The following MARCHF6 variants were observed in gnomAD, a reference collection of about 807,000 sequenced individuals.
The protein encoded by MARCHF6 is membrane associated ring-CH-type finger 6, also known as E3 ubiquitin-protein ligase MARCHF6.
In MARCHF6, 31 loss-of-function variants were observed where a neutral mutation model predicts 133.7. The observed-to-expected ratio is 0.23, with a 90% confidence interval of 0.17 to 0.31. The LOEUF (loss-of-function observed/expected upper bound fraction) is 0.31. Ranked by LOEUF, MARCHF6 falls within the 10% of genes least tolerant of loss-of-function variation. The pLI, the probability that MARCHF6 is intolerant of heterozygous loss-of-function variation, is 1.00. For synonymous variants in MARCHF6, 395 were observed against 402.5 expected, an observed-to-expected ratio of 0.98 and a Z score of 0.22; for missense variants, 723 against 1,121.6, an observed-to-expected ratio of 0.64 and a Z score of 5.08.
chr5:10,354,411 GCTGAC>G (rs1735316579), intron 1 of MARCHF6, among the ~76,000 whole-genome samples: 1 of 152,194 alleles, frequency 6.6e-6, no homozygotes, highest in Non-Finnish European at 1.5e-5. Flanking sequence ...AGTGGAGTGA[GCTGAC>G]CCCTGTTGAA....
At chr5:10,362,085 G>A (rs1735864355) in intron 1 of MARCHF6, among the ~76,000 whole-genome samples, 1 of 151,946 alleles carries the variant, frequency 6.6e-6, no homozygotes, top group South Asian at 2.1e-4. Context: ...TTACTTTCCT[G>A]TCTCTCTCCT....
chr5:10,368,986 G>A (rs1276043813), intron 1 of MARCHF6, among the ~76,000 whole-genome samples: 1 of 152,102 alleles, frequency 6.6e-6, no homozygotes, highest in Non-Finnish European at 1.5e-5. Flanking sequence ...TTTCCAATGT[G>A]GGTGGAGGGG....
intron 1 of MARCHF6, among the ~76,000 whole-genome samples, chr5:10,354,314 A>G (rs183608604): frequency 3.7e-4 from 57 of 152,086 alleles, no homozygotes; most frequent in Admixed American, 3.1e-3. Context: ...CCTTCTGCCT[A>G]TTGCTCGCCA....
rs1368079366 is a variant in MARCHF6 at position 10,440,251 on chromosome 5, T to C, written c.*6567T>C. The C allele has an allele frequency of 6.6e-6, 1 of 152,196 alleles. No individual in the cohort carries two copies. The highest frequency in any genetic ancestry group is 1.5e-5 in the Non-Finnish European group (1 of 68,020). The allele number at this position is 152,196 out of a possible 1,614,324, so 9.4% of individuals were successfully genotyped here. ...ATAAATGATGAATTTAGAATCAAAATAATGTGTCTATGGCCAAAATAAAAC... is the reference window on the plus strand; with the variant it reads ...ATAAATGATGAATTTAGAATCAAAACAATGTGTCTATGGCCAAAATAAAAC... On this transcript the variant is annotated 3_prime_UTR_variant, in exon 26 of 26. Transcript: ENST00000274140.
chr5:10,399,976 A>T (rs1402997425), intron 10 of MARCHF6, among the ~76,000 whole-genome samples: 1 of 152,112 alleles, frequency 6.6e-6, no homozygotes, highest in Non-Finnish European at 1.5e-5. Context: ...TGGAAGTCAG[A>T]TCTAAGGGCC....
intron 1 of MARCHF6, among the ~76,000 whole-genome samples, chr5:10,377,039 C>T (rs986413151): frequency 6.6e-6 from 1 of 152,082 alleles, no homozygotes; most frequent in African/African-American, 2.4e-5. Context: ...AGCTTTAGAG[C>T]GAGAGTGCGA....
intron 3 of MARCHF6, among the ~76,000 whole-genome samples, chr5:10,381,128 G>A (rs1331558092): frequency 6.6e-6 from 1 of 152,164 alleles, no homozygotes; most frequent in Non-Finnish European, 1.5e-5. Context: ...TGTGGTAGAG[G>A]TTTTTGATAA....
intron 10 of MARCHF6, 62 bp downstream of exon 10, chr5:10,397,406 G>A: frequency 1.7e-6 from 2 of 1,195,210 alleles, no homozygotes; most frequent in Non-Finnish European, 2.4e-6. Flanking sequence ...TTTTGTAGGA[G>A]CCTTGTTATA....
chr5:10,394,682 G>T, intron 8 of MARCHF6, 71 bp from the exon 9 acceptor site: 1 of 1,208,588 alleles, frequency 8.3e-7, no homozygotes, highest in Non-Finnish European at 1.2e-6. Flanking sequence ...GGAAAATGAG[G>T]CTTTTCATAA....
intron 21 of MARCHF6, among the ~76,000 whole-genome samples, chr5:10,416,091 C>T (rs1739495897): frequency 6.6e-6 from 1 of 151,974 alleles, no homozygotes; most frequent in African/African-American, 2.4e-5. Flanking sequence ...ATGCACACAC[C>T]TACACATGCT....
chr5:10,392,719 A>C (rs1579569819), intron 7 of MARCHF6, among the ~76,000 whole-genome samples: 1 of 151,312 alleles, frequency 6.6e-6, no homozygotes, highest in East Asian at 1.9e-4. Context: ...ATGCCACTGC[A>C]CTCCAGCCTG....
At chr5:10,395,045 C>T (rs1447002151) in intron 9 of MARCHF6, among the ~76,000 whole-genome samples, 4 of 152,084 alleles carry the variant, frequency 2.6e-5, no homozygotes, top group African/African-American at 7.2e-5. Context: ...GTGATCTGCC[C>T]GCCTCGGCCT....
intron 3 of MARCHF6, among the ~76,000 whole-genome samples, chr5:10,379,849 T>C (rs537852218): frequency 1.1e-4 from 17 of 152,278 alleles, no homozygotes; most frequent in African/African-American, 3.8e-4. Flanking sequence ...CAAGCAATTC[T>C]CCTGTCACAG....
intron 1 of MARCHF6, among the ~76,000 whole-genome samples, chr5:10,372,683 T>G (rs891978191): frequency 2.0e-5 from 3 of 152,198 alleles, no homozygotes; most frequent in African/African-American, 7.2e-5. Flanking sequence ...ATAACAACAC[T>G]CATTATGTGT....
intron 24 of MARCHF6, among the ~76,000 whole-genome samples, chr5:10,426,993 A>G (rs900071178): frequency 6.6e-6 from 1 of 152,218 alleles, no homozygotes; most frequent in African/African-American, 2.4e-5. Context: ...CTTAAACCCA[A>G]CATATTTTCA....
At chr5:10,354,905 T>G (rs1260879349) in intron 1 of MARCHF6, among the ~76,000 whole-genome samples, 1 of 152,212 alleles carries the variant, frequency 6.6e-6, no homozygotes, top group East Asian at 1.9e-4. Flanking sequence ...TGAAAAAAGT[T>G]TGATATTATC....
chr5:10,405,295 G>A (rs947399866), intron 15 of MARCHF6, among the ~76,000 whole-genome samples: 6 of 151,858 alleles, frequency 4.0e-5, no homozygotes, highest in Non-Finnish European at 7.4e-5. Flanking sequence ...TAGATTTCTT[G>A]ACACATTGGA....
intron 1 of MARCHF6, among the ~76,000 whole-genome samples, chr5:10,368,619 G>A (rs1736277796): frequency 6.6e-6 from 1 of 152,116 alleles, no homozygotes; most frequent in Non-Finnish European, 1.5e-5. Context: ...TCCGTTGGTT[G>A]CCCAGGCTTG....
In MARCHF6 at chr5:10,353,851, C is replaced by A; in HGVS notation, c.-48C>A. 1 of 1,541,762 alleles carries A rather than the reference C, an allele frequency of 6.5e-7. No homozygotes were observed. Among genetic ancestry groups the A allele is most frequent in the South Asian group, 1.2e-5 (1 of 84,322 alleles). ...CCTCTCCCCTCCCTCTTTCCCCGCC[C>A]GGCCGCGGGAGCCTCGTGGCTGCGT... On this transcript the variant is annotated 5_prime_UTR_variant, in exon 1 of 26. Transcript: ENST00000274140.
Sources: gnomAD v4.1 joint callset for allele counts (sites outside exome capture counted in the v4.1 genomes callset) on GRCh38, gnomAD v4.1.1 for gene constraint, MANE v1.5 for transcripts, NCBI Gene and HGNC (gene_info 2026-07-23, HGNC 2026-07-21) for gene names.